The following ASTN2 variants were observed in gnomAD, a reference collection of about 807,000 sequenced individuals.
ASTN2 encodes the protein astrotactin-2.
Under a neutral mutation model 139.8 loss-of-function variants are expected in ASTN2, and 54 were observed. The observed-to-expected ratio is 0.39, with a 90% confidence interval of 0.31 to 0.48. ASTN2 has a LOEUF of 0.48. ASTN2 is among the 20% of genes least tolerant of loss of function. The pLI, the probability that ASTN2 is intolerant of heterozygous loss-of-function variation, is 0.95. For missense variants in ASTN2, 1,565 were observed against 1,725.1 expected (o/e 0.91, Z 1.64); for synonymous variants, 756 against 719.5 (o/e 1.05, Z -0.81).
intron 1 of ASTN2, among the ~76,000 whole-genome samples, chr9:117,298,675 T>TATATATATATATATATATATGTGC (rs1238960248): frequency 7.7e-6 from 1 of 130,614 alleles, no homozygotes; most frequent in South Asian, 2.6e-4. Flanking sequence ...TATGTGTATA[T>TATATATATATATATATATATGTGC]ATATATATAT....
intron 1 of ASTN2, among the ~76,000 whole-genome samples, chr9:117,373,304 G>A (rs1830035980): frequency 6.6e-6 from 1 of 152,136 alleles, no homozygotes; most frequent in African/African-American, 2.4e-5. Context: ...GTGTTCCACT[G>A]GCTGCTAAGA....
chr9:117,235,572 A>T (rs2133064405), intron 2 of ASTN2, among the ~76,000 whole-genome samples: 1 of 152,294 alleles, frequency 6.6e-6, no homozygotes, highest in East Asian at 1.9e-4. Context: ...ATAAACTACT[A>T]CTACAACAAA....
intron 20 of ASTN2, among the ~76,000 whole-genome samples, chr9:116,485,903 G>C (rs191514217): frequency 5.3e-5 from 8 of 152,312 alleles, no homozygotes; most frequent in Non-Finnish European, 1.0e-4. Flanking sequence ...GTGTTCAAAA[G>C]GGTGAGGAAG....
chr9:116,971,435 G>A (rs7856733), intron 10 of ASTN2, among the ~76,000 whole-genome samples: 2,610 of 152,208 alleles, frequency 0.017, 76 homozygotes, highest in African/African-American at 0.06. Context: ...TCCCTCAGTC[G>A]GATACATCTT....
chr9:116,871,227 C>T (rs1427713588), intron 10 of ASTN2, among the ~76,000 whole-genome samples: 2 of 152,124 alleles, frequency 1.3e-5, no homozygotes, highest in Non-Finnish European at 2.9e-5. Context: ...CACGGCACTG[C>T]AGCCTGGGCA....
chr9:117,093,907 T>C (rs143319256), intron 5 of ASTN2, among the ~76,000 whole-genome samples: 2 of 152,302 alleles, frequency 1.3e-5, no homozygotes, highest in East Asian at 1.9e-4. Context: ...CCATATTCTC[T>C]CAGTTCCCTT....
intron 13 of ASTN2, among the ~76,000 whole-genome samples, chr9:116,802,281 T>C (rs1000311498): frequency 6.6e-6 from 1 of 152,046 alleles, no homozygotes; most frequent in African/African-American, 2.4e-5. Flanking sequence ...AGAGACAGCA[T>C]TTCATCATGT....
chr9:117,054,479 G>A (rs1009526695), intron 5 of ASTN2, among the ~76,000 whole-genome samples: 1 of 152,192 alleles, frequency 6.6e-6, no homozygotes, highest in Admixed American at 6.5e-5. Flanking sequence ...ATGTTTCAAT[G>A]TCCAGTGAGG....
chr9:117,031,488 T>C (rs1838245611), intron 6 of ASTN2, among the ~76,000 whole-genome samples: 2 of 152,148 alleles, frequency 1.3e-5, no homozygotes, highest in African/African-American at 4.8e-5. Context: ...TTGGATCCTG[T>C]CCAAGGTTCT....
chr9:117,092,510 A>T (rs559228864), intron 5 of ASTN2, among the ~76,000 whole-genome samples: 9 of 152,338 alleles, frequency 5.9e-5, no homozygotes, highest in African/African-American at 1.9e-4. Context: ...CCTTCTGAGT[A>T]CTTCAAAGAT....
intron 10 of ASTN2, among the ~76,000 whole-genome samples, chr9:116,921,115 T>C (rs2094807): frequency 0.45 from 67,676 of 151,944 alleles, 18,109 homozygotes; most frequent in Non-Finnish European, 0.6. Context: ...TCTGACATGG[T>C]AGGAGCAGGA....
chr9:116,474,975 G>A (rs1848931874), intron 20 of ASTN2, among the ~76,000 whole-genome samples: 1 of 152,132 alleles, frequency 6.6e-6, no homozygotes, highest in South Asian at 2.1e-4. Context: ...CAGAAGTCAG[G>A]ATTCCCATGT....
chr9:116,950,212 C>G (rs1251168611), intron 10 of ASTN2, among the ~76,000 whole-genome samples: 1 of 152,122 alleles, frequency 6.6e-6, no homozygotes, highest in Non-Finnish European at 1.5e-5. Flanking sequence ...TAGCCTCTAC[C>G]AACTGGATGC....
intron 16 of ASTN2, among the ~76,000 whole-genome samples, chr9:116,658,323 CAGA>C (rs1318680980): frequency 6.6e-6 from 1 of 152,120 alleles, no homozygotes; most frequent in Non-Finnish European, 1.5e-5. Context: ...ACCAACAGAA[CAGA>C]AGGAGCTGCA....
intron 10 of ASTN2, among the ~76,000 whole-genome samples, chr9:116,971,621 T>C (rs1164893691): frequency 2.0e-5 from 3 of 152,220 alleles, no homozygotes; most frequent in African/African-American, 4.8e-5. Context: ...GTGGTTAATA[T>C]GAATCCTCAA....
intron 1 of ASTN2, among the ~76,000 whole-genome samples, chr9:117,308,736 G>A (rs1281977196): frequency 6.6e-6 from 1 of 151,632 alleles, no homozygotes; most frequent in African/African-American, 2.4e-5. Flanking sequence ...GAGAGGGAGA[G>A]GACAGCTTTA....
chr9:117,365,663 C>T (rs762470882), intron 1 of ASTN2, among the ~76,000 whole-genome samples: 19 of 152,236 alleles, frequency 1.2e-4, no homozygotes, highest in Non-Finnish European at 2.2e-4. Flanking sequence ...GCAACCCAAG[C>T]GTGTACCCAT....
intron 12 of ASTN2, among the ~76,000 whole-genome samples, chr9:116,812,761 G>A (rs1228475063): frequency 6.6e-6 from 1 of 152,068 alleles, no homozygotes; most frequent in African/African-American, 2.4e-5. Context: ...CAAAACTTAG[G>A]AGCTCAAGAC....
At chr9:116,960,111 A>T (rs1163363443) in intron 10 of ASTN2, among the ~76,000 whole-genome samples, 1 of 151,970 alleles carries the variant, frequency 6.6e-6, no homozygotes, top group East Asian at 1.9e-4. Flanking sequence ...TCTCTGGCTC[A>T]CTTTGGAGGA....
Sources: gnomAD v4.1 joint callset for allele counts (sites outside exome capture counted in the v4.1 genomes callset) on GRCh38, gnomAD v4.1.1 for gene constraint, MANE v1.5 for transcripts, NCBI Gene and HGNC (gene_info 2026-07-23, HGNC 2026-07-21) for gene names.